The following TAF3 variants were observed in gnomAD, a reference collection of about 807,000 sequenced individuals.
TAF3 encodes the protein transcription initiation factor TFIID subunit 3.
A neutral mutation model predicts 80.6 loss-of-function variants in TAF3; 7 were observed. The observed-to-expected ratio is 0.09, with a 90% CI of 0.05 to 0.16. The LOEUF (loss-of-function observed/expected upper bound fraction) is 0.16, where lower values mean the gene tolerates loss of function less well. Among genes scored for constraint, TAF3 ranks in the 10% least tolerant of loss-of-function variants. The pLI, the probability that TAF3 is intolerant of heterozygous loss-of-function variation, is 1.00. For missense variants in TAF3, 921 were observed against 1,140.2 expected, an observed-to-expected ratio of 0.81 and a Z score of 2.77; for synonymous variants, 444 against 446.1, an observed-to-expected ratio of 1.00 and a Z score of 0.06.
At chr10:7,952,983 A>G (rs886104928) in intron 2 of TAF3, among the ~76,000 whole-genome samples, 1 of 152,192 alleles carries the variant, frequency 6.6e-6, no homozygotes, top group African/African-American at 2.4e-5. Flanking sequence ...GAAGTGGATT[A>G]TGATTGTTTT....
intron 2 of TAF3, among the ~76,000 whole-genome samples, chr10:7,842,799 A>G (rs1186690679): frequency 2.6e-5 from 4 of 151,908 alleles, no homozygotes; most frequent in East Asian, 3.8e-4. Flanking sequence ...ATCAAATTAG[A>G]TATAAATGTC....
intron 1 of TAF3, among the ~76,000 whole-genome samples, chr10:7,821,844 T>C (rs890724640): frequency 1.3e-5 from 2 of 152,172 alleles, no homozygotes; most frequent in Non-Finnish European, 1.5e-5. Flanking sequence ...AGATAAGATT[T>C]GAGTTGAGCT....
chr10:7,986,011 TG>T (rs1274431951), intron 4 of TAF3, among the ~76,000 whole-genome samples: 1 of 152,126 alleles, frequency 6.6e-6, no homozygotes, highest in Non-Finnish European at 1.5e-5. Context: ...CTCAAACTCC[TG>T]ACCTCATGTG....
At chr10:7,835,195 C>CA (rs1836839753) in intron 2 of TAF3, among the ~76,000 whole-genome samples, 1 of 152,166 alleles carries the variant, frequency 6.6e-6, no homozygotes, top group Non-Finnish European at 1.5e-5. Flanking sequence ...AATACACTAA[C>CA]ACCATCGATA....
At chr10:7,843,076 C>T (rs78162199) in intron 2 of TAF3, among the ~76,000 whole-genome samples, 6,509 of 152,296 alleles carry the variant, frequency 0.043, 204 homozygotes, top group South Asian at 0.085. Context: ...AGGCTCTCCT[C>T]TGCCTTTCCC....
Position 7,873,629 on chromosome 10 carries a change from C to CCCT in TAF3, c.409+49069_409+49070insCCT, listed in dbSNP as rs373179493. Among the ~76,000 whole-genome samples, 1,034 of 143,180 alleles carry CCCT rather than the reference C, an allele frequency of 7.2e-3. 49 individuals carry two copies. Among genetic ancestry groups the CCCT allele is most frequent in the Middle Eastern group, 0.018 (5 of 272 alleles). The allele number at this position is 143,180 out of a possible 152,430, so 93.9% of individuals were successfully genotyped here. ...GACATCCGAGTTCTCCCCCCCCCCCCGTCAAAAGGGGGTGTCGAATTTGAG... is the reference window on the plus strand; with the variant it reads ...GACATCCGAGTTCTCCCCCCCCCCCCCCTGTCAAAAGGGGGTGTCGAATTTGAG... On this transcript the variant is annotated intron_variant, in intron 2 of 6. Coordinates refer to ENST00000344293, the MANE Select transcript of TAF3 (RefSeq NM_031923.4).
intron 2 of TAF3, among the ~76,000 whole-genome samples, chr10:7,953,237 T>C (rs1234371436): frequency 6.6e-6 from 1 of 152,186 alleles, no homozygotes; most frequent in Admixed American, 6.5e-5. Context: ...CATTTGTTAG[T>C]TTCATGGTCT....
intron 2 of TAF3, among the ~76,000 whole-genome samples, chr10:7,866,536 T>C (rs1285805141): frequency 6.6e-6 from 1 of 152,210 alleles, no homozygotes; most frequent in Non-Finnish European, 1.5e-5. Flanking sequence ...GTCAACTTGA[T>C]GTTTTCAAGA....
Position 7,965,408 on chromosome 10 carries a change from G to A in TAF3, c.1898G>A (p.Arg633Lys), listed in dbSNP as rs757089222. 12 of 1,612,994 alleles carry A rather than the reference G, an allele frequency of 7.4e-6. No individual in the cohort carries two copies. The highest frequency in any genetic ancestry group is 1.0e-5 in the Non-Finnish European group (12 of 1,179,774). The change falls in exon 3 of 7, where the codon AGA (arginine) becomes AAA (lysine). Residue 633 changes from arginine (R) to lysine (K), a missense_variant. Coordinates refer to ENST00000344293, the MANE Select transcript of TAF3 (RefSeq NM_031923.4). ...AAAGGCAAGAAAGATAAAGATAAGA[G>A]AGAGAAAGAAAAAGTGAAAGATAAA... Reference protein sequence around the residue: ...REKGKKDKDKREKEKVKDKGR... With the variant: ...REKGKKDKDKKEKEKVKDKGR...
chr10:8,013,956 A>G (rs1832080019), intron 6 of TAF3, 119 bp downstream of exon 6: 1 of 752,682 alleles, frequency 1.3e-6, no homozygotes, highest in Non-Finnish European at 2.2e-6. Context: ...TCCTAGGGAC[A>G]GTACATGGAG....
intron 2 of TAF3, among the ~76,000 whole-genome samples, chr10:7,917,310 A>C (rs902685837): frequency 3.9e-5 from 6 of 152,204 alleles, no homozygotes; most frequent in African/African-American, 1.4e-4. Flanking sequence ...AGCAAATCGA[A>C]GGGAAGAAGT....
chr10:7,847,055 A>C (rs1182533511), intron 2 of TAF3, among the ~76,000 whole-genome samples: 3 of 152,246 alleles, frequency 2.0e-5, no homozygotes, highest in African/African-American at 7.2e-5. Flanking sequence ...ATGGACAAGA[A>C]AAAAATTGAC....
chr10:7,957,196 A>G (rs552973655), intron 2 of TAF3, among the ~76,000 whole-genome samples: 2 of 152,304 alleles, frequency 1.3e-5, no homozygotes, highest in African/African-American at 4.8e-5. Flanking sequence ...CCTATCCAGA[A>G]CTACCTTTCC....
Position 7,928,608 on chromosome 10 carries a change from G to A in TAF3, c.410-35312G>A, listed in dbSNP as rs113745052. 2.0e-5 allele frequency among the ~76,000 whole-genome samples: 3 copies of A among 152,278 alleles called. No individual in the cohort carries two copies. In the South Asian group the frequency reaches 6.2e-4, roughly 32 times the overall value. ...GTGAAGCTTGTAGGATTGCCCTTGT[G>A]TTAATAACCATGAACTGTTGTGTTG... On this transcript the variant is annotated intron_variant, in intron 2 of 6. Transcript: ENST00000344293.
chr10:7,940,681 ATGGTGGCTTATGCCAGTAATCC>A (rs1340738327), intron 2 of TAF3, among the ~76,000 whole-genome samples: 3 of 152,216 alleles, frequency 2.0e-5, no homozygotes, highest in African/African-American at 7.2e-5. Flanking sequence ...GTGGCCAGGC[ATGGTGGCTTATGCCAGTAATCC>A]TAGCACTTTG....
intron 2 of TAF3, among the ~76,000 whole-genome samples, chr10:7,830,899 G>T (rs746042266): frequency 1.3e-5 from 2 of 152,094 alleles, no homozygotes; most frequent in Non-Finnish European, 2.9e-5. Context: ...TGGATGTTGC[G>T]CATTGTGCAC....
chr10:7,917,245 A>G (rs1006535145), intron 2 of TAF3, among the ~76,000 whole-genome samples: 1 of 152,240 alleles, frequency 6.6e-6, no homozygotes, highest in Non-Finnish European at 1.5e-5. Context: ...AAAGAGAGCG[A>G]GGATGGAGTG....
chr10:7,897,915 C>A (rs1438065108), intron 2 of TAF3, among the ~76,000 whole-genome samples: 1 of 152,134 alleles, frequency 6.6e-6, no homozygotes, highest in Admixed American at 6.5e-5. Flanking sequence ...CCATCTCCAG[C>A]CTCCCAAAGT....
chr10:8,010,148 C>A (rs1832040479), intron 5 of TAF3, among the ~76,000 whole-genome samples: 2 of 152,150 alleles, frequency 1.3e-5, no homozygotes, highest in Admixed American at 1.3e-4. Context: ...CTCCAGCAAT[C>A]CACCCATTTC....
Sources: allele counts gnomAD v4.1 joint callset (sites outside exome capture counted in the v4.1 genomes callset), GRCh38; gene constraint gnomAD v4.1.1; transcripts MANE v1.5; gene names NCBI Gene and HGNC (gene_info 2026-07-23, HGNC 2026-07-21).